The following SPON1 variants were observed in gnomAD, a reference collection of about 807,000 sequenced individuals.
The protein encoded by SPON1 is spondin 1.
Under a neutral mutation model 111.7 loss-of-function variants are expected in SPON1, and 52 were observed. The observed-to-expected ratio is 0.47, with a 90% CI of 0.37 to 0.59. The LOEUF (loss-of-function observed/expected upper bound fraction) is 0.59. Ranked by LOEUF, SPON1 falls within the 20% of genes least tolerant of loss-of-function variation. The pLI is 0.00. For missense variants in SPON1, 957 were observed against 1,068.5 expected (o/e 0.90, Z 1.46); for synonymous variants, 410 against 395.8 (o/e 1.04, Z -0.43).
At chr11:14,232,264 C>T (rs1181056066) in intron 6 of SPON1, among the ~76,000 whole-genome samples, 1 of 152,042 alleles carries the variant, frequency 6.6e-6, no homozygotes, top group African/African-American at 2.4e-5. Flanking sequence ...ACTGGACACA[C>T]TGTGTAGCTG....
At chr11:14,078,489 A>G (rs2618508) in intron 4 of SPON1, among the ~76,000 whole-genome samples, 103,951 of 151,934 alleles carry the variant, frequency 0.68, 36,626 homozygotes, top group East Asian at 0.88. Flanking sequence ...TTCTTCATTG[A>G]AAAAAGCAAT....
chr11:14,170,859 G>C (rs1259633243), intron 6 of SPON1, among the ~76,000 whole-genome samples: 1 of 152,134 alleles, frequency 6.6e-6, no homozygotes, highest in Non-Finnish European at 1.5e-5. Context: ...TGATCATGGT[G>C]GATAAGCTTT....
chr11:14,224,553 A>G (rs11023151), intron 6 of SPON1, among the ~76,000 whole-genome samples: 15,515 of 152,220 alleles, frequency 0.1, 1,078 homozygotes, highest in Admixed American at 0.17. Flanking sequence ...ATGGGACTGA[A>G]TTTAGCTTCT....
At chr11:14,238,732 T>G (rs1279865306) in intron 6 of SPON1, among the ~76,000 whole-genome samples, 1 of 152,216 alleles carries the variant, frequency 6.6e-6, no homozygotes, top group Non-Finnish European at 1.5e-5. Context: ...TACCAGTAAC[T>G]GTGAGGTACA....
chr11:13,990,391 T>C (rs1425698644), intron 2 of SPON1, among the ~76,000 whole-genome samples: 1 of 112,086 alleles, frequency 8.9e-6, no homozygotes, highest in African/African-American at 3.7e-5. Flanking sequence ...TTTTTTTTTT[T>C]TTTTTTTTTT....
chr11:14,052,506 C>T (rs1341657043), intron 3 of SPON1, among the ~76,000 whole-genome samples: 1 of 152,198 alleles, frequency 6.6e-6, no homozygotes, highest in Non-Finnish European at 1.5e-5. Flanking sequence ...CCTAGAACCT[C>T]AGGAACCCTG....
At chr11:14,227,614 A>T (rs1246137056) in intron 6 of SPON1, among the ~76,000 whole-genome samples, 1 of 152,174 alleles carries the variant, frequency 6.6e-6, no homozygotes, top group Admixed American at 6.5e-5. Context: ...GCCTCTCCTA[A>T]CTACTGCCAT....
chr11:13,980,090 C>T (rs782751616), intron 1 of SPON1, among the ~76,000 whole-genome samples: 5 of 151,876 alleles, frequency 3.3e-5, no homozygotes, highest in African/African-American at 7.3e-5. Flanking sequence ...GCCCAGGCTA[C>T]AGTGCAGTGG....
At chr11:14,002,382 T>A (rs1433690083) in intron 2 of SPON1, among the ~76,000 whole-genome samples, 1 of 152,062 alleles carries the variant, frequency 6.6e-6, no homozygotes, top group South Asian at 2.1e-4. Context: ...TATGTGAATC[T>A]GACACAAGTG....
At chr11:14,046,182 G>T (rs1554917809) in intron 3 of SPON1, among the ~76,000 whole-genome samples, 1 of 152,170 alleles carries the variant, frequency 6.6e-6, no homozygotes, top group Non-Finnish European at 1.5e-5. Flanking sequence ...AGGCAGAGAG[G>T]ATGGGGTAGA....
At chr11:14,042,795 G>A (rs549918659) in intron 3 of SPON1, among the ~76,000 whole-genome samples, 1 of 152,300 alleles carries the variant, frequency 6.6e-6, no homozygotes, top group Non-Finnish European at 1.5e-5. Flanking sequence ...CGCAATACCT[G>A]CAGTTCTTAG....
chr11:14,117,178 T>C (rs571162498), intron 5 of SPON1, among the ~76,000 whole-genome samples: 1 of 152,300 alleles, frequency 6.6e-6, no homozygotes, highest in Admixed American at 6.5e-5. Context: ...TAGCTTCTCT[T>C]TTTCCTTCTT....
intron 1 of SPON1, among the ~76,000 whole-genome samples, chr11:13,966,717 G>A (rs926977129): frequency 6.6e-6 from 1 of 152,180 alleles, no homozygotes; most frequent in African/African-American, 2.4e-5. Flanking sequence ...GGACACCTCA[G>A]CCTGGTGGAA....
At chr11:13,986,569 A>C (rs1414072161) in intron 2 of SPON1, among the ~76,000 whole-genome samples, 3 of 148,442 alleles carry the variant, frequency 2.0e-5, no homozygotes, top group Non-Finnish European at 4.5e-5. Flanking sequence ...AACTATAGTC[A>C]CTCTGAATAT....
At chr11:14,140,670 C>T (rs1368900020) in intron 6 of SPON1, among the ~76,000 whole-genome samples, 1 of 152,226 alleles carries the variant, frequency 6.6e-6, no homozygotes, top group Non-Finnish European at 1.5e-5. Context: ...GCTAGGATTA[C>T]AGGCGTGAGC....
At chr11:14,160,885 A>T (rs1298442042) in intron 6 of SPON1, among the ~76,000 whole-genome samples, 575 of 45,788 alleles carry the variant, frequency 0.013, 113 homozygotes, top group African/African-American at 0.053. Flanking sequence ...ATTTTTATAT[A>T]TTTATATATA....
At chr11:14,127,391 G>A (rs1810839029) in intron 5 of SPON1, among the ~76,000 whole-genome samples, 1 of 151,014 alleles carries the variant, frequency 6.6e-6, no homozygotes, top group African/African-American at 2.4e-5. Flanking sequence ...TCACACTCCT[G>A]GCCCCTTGTC....
At chr11:14,236,018 A>G (rs1037096659) in intron 6 of SPON1, among the ~76,000 whole-genome samples, 6 of 152,214 alleles carry the variant, frequency 3.9e-5, no homozygotes, top group Admixed American at 6.5e-5. Context: ...GATGAGGCTC[A>G]GGAGGACAGG....
At chr11:14,141,486 G>T (rs1448323891) in intron 6 of SPON1, among the ~76,000 whole-genome samples, 1 of 152,050 alleles carries the variant, frequency 6.6e-6, no homozygotes, top group Non-Finnish European at 1.5e-5. Flanking sequence ...TGGATTCAAG[G>T]CTTTCCTGAC....
Sources: allele counts gnomAD v4.1 joint callset (sites outside exome capture counted in the v4.1 genomes callset), GRCh38; gene constraint gnomAD v4.1.1; transcripts MANE v1.5; gene names NCBI Gene and HGNC (gene_info 2026-07-23, HGNC 2026-07-21).